The following JMJD1C variants were observed in gnomAD, a reference collection of about 807,000 sequenced individuals.
The protein encoded by JMJD1C is jumonji domain containing 1C.
A neutral mutation model predicts 245.3 loss-of-function variants in JMJD1C; 31 were observed. That is an observed-to-expected ratio of 0.13 (90% CI 0.09 to 0.17). The LOEUF is 0.17. Among genes scored for constraint, JMJD1C ranks in the 10% least tolerant of loss-of-function variants. The pLI is 1.00. For missense variants in JMJD1C, 2,691 were observed against 3,000.2 expected, an observed-to-expected ratio of 0.90 and a Z score of 2.41; for synonymous variants, 1,057 against 1,017.4, an observed-to-expected ratio of 1.04 and a Z score of -0.74.
At chr10:63,289,961 A>C (rs1355476386) in intron 2 of JMJD1C, among the ~76,000 whole-genome samples, 4 of 152,108 alleles carry the variant, frequency 2.6e-5, no homozygotes, top group Admixed American at 2.0e-4. Flanking sequence ...ACAGAAGTTA[A>C]AAAAATTTAA....
At position 63,186,339 on chromosome 10, in the gene JMJD1C, T is replaced by G; in HGVS notation, c.6615A>C (p.Leu2205=). Residue 2205 remains leucine, a synonymous_variant, in exon 19 of 26, where the codon CTA becomes CTC. Coordinates refer to ENST00000399262, the MANE Select transcript of JMJD1C (RefSeq NM_032776.3). ...SGVHKKMNIS[L]WKAESISLDF... ...CAAGACTAATTGATTCCGCCTTCCA[T>G]AGGCTAATGTTCATTTTCTTATGCA... 2 of 1,613,486 alleles carry G rather than the reference T, an allele frequency of 1.2e-6. No homozygotes were observed. The highest frequency in any genetic ancestry group is 1.7e-6 in the Non-Finnish European group (2 of 1,179,684).
intron 1 of JMJD1C, among the ~76,000 whole-genome samples, chr10:63,473,235 C>A (rs987159390): frequency 6.6e-6 from 1 of 150,608 alleles, no homozygotes; most frequent in Non-Finnish European, 1.5e-5. Flanking sequence ...AGAAGTAATA[C>A]ACATTTGGTT....
At chr10:63,350,878 C>G (rs966958742) in intron 2 of JMJD1C, among the ~76,000 whole-genome samples, 10 of 152,198 alleles carry the variant, frequency 6.6e-5, no homozygotes, top group African/African-American at 2.2e-4. Flanking sequence ...CTTGGCCTCC[C>G]AAAGTGCTGG....
chr10:63,285,024 A>G (rs1051748561), intron 2 of JMJD1C, among the ~76,000 whole-genome samples: 5 of 152,174 alleles, frequency 3.3e-5, no homozygotes, highest in Admixed American at 6.5e-5. Context: ...GGATATCCTG[A>G]GCAAACCCAC....
At chr10:63,422,580 T>C (rs926992165) in intron 1 of JMJD1C, among the ~76,000 whole-genome samples, 1 of 152,206 alleles carries the variant, frequency 6.6e-6, no homozygotes, top group Non-Finnish European at 1.5e-5. Context: ...TAATCATATA[T>C]ATTCAAAGCA....
chr10:63,193,920 C>T (rs1305406451), intron 14 of JMJD1C, among the ~76,000 whole-genome samples: 1 of 152,224 alleles, frequency 6.6e-6, no homozygotes, highest in African/African-American at 2.4e-5. Flanking sequence ...CCGGCCTTGG[C>T]CTCCCAAAAT....
intron 1 of JMJD1C, among the ~76,000 whole-genome samples, chr10:63,471,818 A>G (rs1953499854): frequency 1.3e-5 from 2 of 152,198 alleles, no homozygotes; most frequent in Non-Finnish European, 1.5e-5. Flanking sequence ...GGGGCGGATC[A>G]CCTGAGGTCG....
At position 63,206,923 on chromosome 10, in the gene JMJD1C, A is replaced by G. The variant is rs1230653329; in HGVS notation, c.4746T>C (p.Cys1582=). Residue 1582 remains cysteine, a synonymous_variant, in exon 10 of 26, where the codon TGT becomes TGC. Transcript: ENST00000399262. ...ATGTAGAGGCTATTAAGTTGACAGA[A>G]CATGGCTTAATAATTTCTGATACAG... The part of the protein sequence containing the change: ...GNSVSEIIKP[C]SVNLIASTSS... The G allele has an allele frequency of 6.2e-7, 1 of 1,611,362 alleles. No homozygotes were observed. The highest frequency in any genetic ancestry group is 8.5e-7 in the Non-Finnish European group (1 of 1,178,210).
intron 4 of JMJD1C, among the ~76,000 whole-genome samples, chr10:63,218,945 T>A (rs1311849061): frequency 6.6e-6 from 1 of 152,178 alleles, no homozygotes; most frequent in African/African-American, 2.4e-5. Context: ...CAGAATAATG[T>A]TCCAGCATTG....
chr10:63,251,640 G>A (rs990479791), intron 3 of JMJD1C, among the ~76,000 whole-genome samples: 4 of 152,306 alleles, frequency 2.6e-5, no homozygotes, highest in Admixed American at 6.5e-5. Context: ...TAACCATTCA[G>A]AAAGGAAAGA....
chr10:63,477,479 G>T (rs1953698989), intron 1 of JMJD1C, among the ~76,000 whole-genome samples: 1 of 150,098 alleles, frequency 6.7e-6, no homozygotes, highest in Admixed American at 6.6e-5. Context: ...TTCAATAAAG[G>T]TAAAAATGCA....
At chr10:63,287,365 C>T (rs901428277) in intron 2 of JMJD1C, among the ~76,000 whole-genome samples, 17 of 152,162 alleles carry the variant, frequency 1.1e-4, no homozygotes, top group African/African-American at 2.4e-4. Flanking sequence ...TGTCGTTCCA[C>T]GTATGTGAAG....
intron 1 of JMJD1C, chr10:63,427,359 C>T: frequency 9.6e-7 from 1 of 1,038,796 alleles, no homozygotes; most frequent in Non-Finnish European, 1.4e-6. Context: ...TGTTCACCGC[C>T]TTCTGGCATC....
At chr10:63,312,495 C>CCTAATAAT (rs780701288) in intron 2 of JMJD1C, among the ~76,000 whole-genome samples, 136 of 152,182 alleles carry the variant, frequency 8.9e-4, no homozygotes, top group Admixed American at 2.6e-3. Flanking sequence ...ATGGAGTTAA[C>CCTAATAAT]CTAATAATCT....
At chr10:63,230,268 A>G (rs923867042) in intron 3 of JMJD1C, among the ~76,000 whole-genome samples, 18 of 152,250 alleles carry the variant, frequency 1.2e-4, no homozygotes, top group Middle Eastern at 6.8e-3. Flanking sequence ...GCTACTCAGG[A>G]GGCTGAGGCA....
chr10:63,385,336 C>T (rs2134542231), intron 1 of JMJD1C, among the ~76,000 whole-genome samples: 1 of 150,508 alleles, frequency 6.6e-6, no homozygotes, highest in Admixed American at 6.6e-5. Context: ...AATATTTTTC[C>T]ACGTGCAGAT....
chr10:63,275,696 T>C lies in JMJD1C; in HGVS notation c.334-10932A>G, dbSNP rs547110726. Reference sequence around the variant, plus strand: ...AGAGGATCCTTTTTGTTTCCAAAAATAGTTTTCTTAACAAGTAACATAATT... The same window carrying C: ...AGAGGATCCTTTTTGTTTCCAAAAACAGTTTTCTTAACAAGTAACATAATT... On this transcript the variant is annotated intron_variant, in intron 2 of 25. Coordinates refer to ENST00000399262, the MANE Select transcript of JMJD1C (RefSeq NM_032776.3). Among the ~76,000 whole-genome samples the C allele has an allele frequency of 1.4e-4, 21 of 152,308 alleles. 1 individual carries two copies. The South Asian group carries it at 3.9e-3, about 29-fold the overall frequency.
chr10:63,271,134 T>C (rs1198903696), intron 2 of JMJD1C, among the ~76,000 whole-genome samples: 1 of 152,116 alleles, frequency 6.6e-6, no homozygotes, highest in African/African-American at 2.4e-5. Flanking sequence ...GCAAGAAATA[T>C]TTAATTTATT....
At chr10:63,360,441 A>G (rs1945229394) in intron 2 of JMJD1C, among the ~76,000 whole-genome samples, 2 of 152,200 alleles carry the variant, frequency 1.3e-5, no homozygotes, top group African/African-American at 4.8e-5. Context: ...TACTCTGTGG[A>G]TATGTTTTAA....
Sources: gnomAD v4.1 joint callset for allele counts (sites outside exome capture counted in the v4.1 genomes callset) on GRCh38, gnomAD v4.1.1 for gene constraint, MANE v1.5 for transcripts, NCBI Gene and HGNC (gene_info 2026-07-23, HGNC 2026-07-21) for gene names.